The following BNC2 variants were observed in gnomAD, a reference collection of about 807,000 sequenced individuals.
BNC2 encodes zinc finger protein basonuclin-2.
A neutral mutation model predicts 76.3 loss-of-function variants in BNC2; 20 were observed. That is an observed-to-expected ratio of 0.26 (90% CI 0.18 to 0.38). The LOEUF is 0.38. BNC2 is among the 10% of genes least tolerant of loss of function. The pLI, the probability that BNC2 is intolerant of heterozygous loss-of-function variation, is 1.00. For missense variants in BNC2, 1,382 were observed against 1,399.8 expected (o/e 0.99, Z 0.20); for synonymous variants, 582 against 514.8 (o/e 1.13, Z -1.77).
At chr9:16,848,130 CT>C (rs1273607505) in intron 1 of BNC2, among the ~76,000 whole-genome samples, 1 of 152,158 alleles carries the variant, frequency 6.6e-6, no homozygotes, top group Non-Finnish European at 1.5e-5. Flanking sequence ...CCCTTAGTAT[CT>C]TATCAAACAT....
intron 1 of BNC2, among the ~76,000 whole-genome samples, chr9:16,827,274 T>G (rs1457232365): frequency 6.6e-6 from 1 of 152,204 alleles, no homozygotes; most frequent in Non-Finnish European, 1.5e-5. Flanking sequence ...GAGAAACACA[T>G]GGAAAAGCGA....
chr9:16,462,086 G>A (rs1023678107), intron 5 of BNC2, among the ~76,000 whole-genome samples: 5 of 152,140 alleles, frequency 3.3e-5, no homozygotes, highest in Non-Finnish European at 7.3e-5. Context: ...TTTAATGAGT[G>A]TCCATTGGCA....
chr9:16,640,984 G>C (rs1821477846), intron 3 of BNC2, among the ~76,000 whole-genome samples: 2 of 152,160 alleles, frequency 1.3e-5, no homozygotes, highest in Non-Finnish European at 2.9e-5. Context: ...ATCACTGTGA[G>C]CATTTACAGA....
At chr9:16,700,363 A>C (rs1823473751) in intron 3 of BNC2, among the ~76,000 whole-genome samples, 1 of 152,088 alleles carries the variant, frequency 6.6e-6, no homozygotes, top group South Asian at 2.1e-4. Flanking sequence ...CCATATCTAC[A>C]AAAAATTAGC....
At chr9:16,633,445 T>A (rs963972383) in intron 3 of BNC2, among the ~76,000 whole-genome samples, 16 of 152,242 alleles carry the variant, frequency 1.1e-4, no homozygotes, top group Non-Finnish European at 1.5e-5. Flanking sequence ...AGTCTCACAT[T>A]CTTTTCTACT....
chr9:16,759,271 T>G (rs1273538907), intron 1 of BNC2, among the ~76,000 whole-genome samples: 1 of 152,208 alleles, frequency 6.6e-6, no homozygotes, highest in Non-Finnish European at 1.5e-5. Flanking sequence ...TTTGTTATGA[T>G]AAGGGTCTTT....
At chr9:16,477,561 T>C (rs975092240) in intron 5 of BNC2, among the ~76,000 whole-genome samples, 5 of 152,240 alleles carry the variant, frequency 3.3e-5, no homozygotes, top group Non-Finnish European at 5.9e-5. Context: ...TTTAAATTTT[T>C]AGCTATTTCT....
chr9:16,516,449 T>C (rs184549680), intron 5 of BNC2, among the ~76,000 whole-genome samples: 96 of 151,992 alleles, frequency 6.3e-4, no homozygotes, highest in African/African-American at 2.2e-3. Context: ...TCAAGATAAC[T>C]CATGAGACCT....
intron 4 of BNC2, among the ~76,000 whole-genome samples, chr9:16,566,323 T>C (rs1381344910): frequency 6.6e-6 from 1 of 152,204 alleles, no homozygotes; most frequent in Non-Finnish European, 1.5e-5. Flanking sequence ...ATTATTCTAT[T>C]TTCAATGGAA....
chr9:16,847,559 A>C (rs996593469), intron 1 of BNC2, among the ~76,000 whole-genome samples: 1 of 152,176 alleles, frequency 6.6e-6, no homozygotes, highest in Non-Finnish European at 1.5e-5. Flanking sequence ...CAGGTTTTTC[A>C]ATCAGGAATA....
At chr9:16,469,962 A>C (rs1326933984) in intron 5 of BNC2, among the ~76,000 whole-genome samples, 1 of 150,512 alleles carries the variant, frequency 6.6e-6, no homozygotes, top group African/African-American at 2.5e-5. Context: ...GCAGCAAAGC[A>C]CTCAACACTT....
intron 5 of BNC2, among the ~76,000 whole-genome samples, chr9:16,539,763 GGAAAA>G (rs536485358): frequency 0.043 from 3,502 of 81,834 alleles, 52 homozygotes; most frequent in Middle Eastern, 0.062. Context: ...GGAAAGGAAA[GGAAAA>G]GAAAGGAAAG....
At chr9:16,434,238 C>T (rs1400940587) in intron 6 of BNC2, among the ~76,000 whole-genome samples, 1 of 152,104 alleles carries the variant, frequency 6.6e-6, no homozygotes. Flanking sequence ...AAAAAATATT[C>T]TTCAAACTTT....
intron 1 of BNC2, among the ~76,000 whole-genome samples, chr9:16,853,613 T>A (rs978802677): frequency 3.3e-5 from 5 of 152,076 alleles, no homozygotes; most frequent in African/African-American, 1.2e-4. Flanking sequence ...GCGCCTGCAA[T>A]CCCACCACTT....
chr9:16,827,668 A>G (rs1818485858), intron 1 of BNC2, among the ~76,000 whole-genome samples: 1 of 152,214 alleles, frequency 6.6e-6, no homozygotes, highest in Non-Finnish European at 1.5e-5. Context: ...GTACTGGTGA[A>G]AGAACAAGAA....
chr9:16,687,097 A>T (rs1587316152), intron 3 of BNC2, among the ~76,000 whole-genome samples: 1 of 152,286 alleles, frequency 6.6e-6, no homozygotes, highest in Non-Finnish European at 1.5e-5. Flanking sequence ...GGCTTAGAGT[A>T]GGTAAATAAC....
At position 16,435,791 on chromosome 9, in the gene BNC2, C is replaced by T; in HGVS notation, c.2403G>A (p.Met801Ile). The T allele has an allele frequency of 6.2e-7, 1 of 1,614,034 alleles. No homozygotes were observed. Among genetic ancestry groups the T allele is most frequent in the Non-Finnish European group, 8.5e-7 (1 of 1,180,018 alleles). Residue 801 changes from methionine (M) to isoleucine (I), a missense_variant, in exon 6 of 7, where the codon ATG becomes ATA. Met to Ile is a conservative substitution (Grantham distance 10). Transcript: ENST00000380672. ...ATGTAAAGCTCTCATGCAAGGCGGC[C>T]ATGCTGGCACCCCCACCATTGTACA... ...YGLYNGGGAS[M>I]AALHESFTSS...
chr9:16,853,501 A>T (rs542649817), intron 1 of BNC2, among the ~76,000 whole-genome samples: 30 of 152,204 alleles, frequency 2.0e-4, no homozygotes, highest in East Asian at 7.7e-4. Context: ...ATGTTCTACA[A>T]TTCCTGTGCA....
intron 1 of BNC2, among the ~76,000 whole-genome samples, chr9:16,777,640 G>C (rs566496370): frequency 1.3e-5 from 2 of 149,060 alleles, no homozygotes; most frequent in Admixed American, 6.7e-5. Flanking sequence ...GGCGGAGCTT[G>C]CAGTGAGCGG....
Sources: gnomAD v4.1 joint callset for allele counts (sites outside exome capture counted in the v4.1 genomes callset) on GRCh38, gnomAD v4.1.1 for gene constraint, MANE v1.5 for transcripts, NCBI Gene and HGNC (gene_info 2026-07-23, HGNC 2026-07-21) for gene names.